Variants in SPATA31H1 observed in about 807,000 individuals in gnomAD.
SPATA31H1 encodes SPATA31 subfamily H member 1.
At chr2:27,561,898 G>C in the SPATA31H1 span, among the ~76,000 whole-genome samples, 2 of 152,068 alleles carry the variant, frequency 1.3e-5, no homozygotes, top group Non-Finnish European at 2.9e-5. Flanking sequence ...ATGGGGTTTC[G>C]TCACATAGCC....
At chr2:27,576,723 T>G in the SPATA31H1 span, 80 of 1,613,926 alleles carry the variant, frequency 5.0e-5, no homozygotes, top group Admixed American at 1.3e-3. Flanking sequence ...ATTTTCAAAT[T>G]TGTCTCCAGA....
At chr2:27,573,957 C>T in the SPATA31H1 span, 1 of 398,534 alleles carries the variant, frequency 2.5e-6, no homozygotes, top group Non-Finnish European at 4.4e-6. Context: ...GCCACAATGG[C>T]AATGTGTCAA....
chr2:27,562,008 C>T, the SPATA31H1 span, among the ~76,000 whole-genome samples: 3 of 152,288 alleles, frequency 2.0e-5, no homozygotes, highest in Non-Finnish European at 4.4e-5. Flanking sequence ...ATTCCCATCA[C>T]CATTTGCTAA....
At chr2:27,582,460 C>T in the SPATA31H1 span, 2 of 1,614,014 alleles carry the variant, frequency 1.2e-6, no homozygotes, top group East Asian at 2.2e-5. Context: ...AATCAAACAA[C>T]TCTCCTCGGG....
chr2:27,566,223 T>C, the SPATA31H1 span: 1 of 710,942 alleles, frequency 1.4e-6, no homozygotes, highest in Admixed American at 2.0e-5. Context: ...TAAATCTCTC[T>C]TATTGTTTTC....
chr2:27,556,007 C>T, the SPATA31H1 span, among the ~76,000 whole-genome samples: 1 of 151,672 alleles, frequency 6.6e-6, no homozygotes, highest in South Asian at 2.1e-4. Flanking sequence ...TGGCATGTGC[C>T]TGTAGTCCTA....
the SPATA31H1 span, chr2:27,566,455 GA>G: frequency 1.4e-6 from 1 of 698,980 alleles, no homozygotes; most frequent in Non-Finnish European, 2.7e-6. Flanking sequence ...GGAAGGGAAT[GA>G]AGGAGGGAGG....
the SPATA31H1 span, among the ~76,000 whole-genome samples, chr2:27,560,633 A>G: frequency 6.6e-6 from 1 of 151,782 alleles, no homozygotes; most frequent in African/African-American, 2.4e-5. Flanking sequence ...AATTTTTTGT[A>G]TTTTTAGTAG....
At chr2:27,539,879 C>G in the SPATA31H1 span, among the ~76,000 whole-genome samples, 1 of 117,782 alleles carries the variant, frequency 8.5e-6, no homozygotes, top group East Asian at 3.6e-4. Flanking sequence ...TGATCCCCCC[C>G]ACCTCCCTCC....
At chr2:27,568,283 T>C in the SPATA31H1 span, 2 of 398,800 alleles carry the variant, frequency 5.0e-6, no homozygotes, top group South Asian at 2.5e-4. Flanking sequence ...GGCCACAACA[T>C]GCAGTTACGG....
chr2:27,565,935 G>A, the SPATA31H1 span: 1 of 692,904 alleles, frequency 1.4e-6, no homozygotes, highest in East Asian at 2.7e-5. Context: ...TTATGATCTT[G>A]GGTATAACTT....
At chr2:27,563,690 G>T in the SPATA31H1 span, among the ~76,000 whole-genome samples, 8 of 151,670 alleles carry the variant, frequency 5.3e-5, no homozygotes, top group Non-Finnish European at 1.2e-4. Flanking sequence ...CTCCCAAGTA[G>T]CTGGGATTAC....
the SPATA31H1 span, chr2:27,582,300 C>T: frequency 8.1e-6 from 13 of 1,613,982 alleles, no homozygotes; most frequent in Admixed American, 1.7e-5. Context: ...GAGAACCCGT[C>T]ACAGTCCCTC....
At chr2:27,542,916 A>T in the SPATA31H1 span, among the ~76,000 whole-genome samples, 1 of 151,872 alleles carries the variant, frequency 6.6e-6, no homozygotes, top group Non-Finnish European at 1.5e-5. Flanking sequence ...GTCTCTACTG[A>T]AAATACAAAA....
chr2:27,577,647 C>T, the SPATA31H1 span: 64 of 1,613,938 alleles, frequency 4.0e-5, no homozygotes, highest in Non-Finnish European at 5.3e-5. The surrounding 1 kb of genome is among the most constrained non-coding windows in gnomAD (Gnocchi z 4.5). Context: ...ACATCGAGTT[C>T]CTGAATCTGT....
chr2:27,569,004 C>A, the SPATA31H1 span: 1 of 398,958 alleles, frequency 2.5e-6, no homozygotes, highest in South Asian at 1.3e-4. Context: ...TGACAACTGT[C>A]ACCAAGTGGA....
chr2:27,547,063 ACT>A, the SPATA31H1 span, among the ~76,000 whole-genome samples: 1,056 of 150,728 alleles, frequency 7.0e-3, 12 homozygotes, highest in Middle Eastern at 0.031. Context: ...CTATTTCGGG[ACT>A]CTCTGTTTTG....
At chr2:27,537,761 C>G in the SPATA31H1 span, among the ~76,000 whole-genome samples, 3 of 152,134 alleles carry the variant, frequency 2.0e-5, no homozygotes, top group Non-Finnish European at 2.9e-5. Flanking sequence ...TAGAGACTAT[C>G]GCCATTCTCT....
At chr2:27,541,648 G>A in the SPATA31H1 span, among the ~76,000 whole-genome samples, 1 of 151,986 alleles carries the variant, frequency 6.6e-6, no homozygotes, top group Non-Finnish European at 1.5e-5. Flanking sequence ...TGAATGTGGT[G>A]GGAGGCAGAA....
Sources: gnomAD v4.1 joint callset for allele counts (sites outside exome capture counted in the v4.1 genomes callset) on GRCh38, gnomAD v4.1.1 for gene constraint, Gnocchi (gnomAD v3.1) non-coding constraint, MANE v1.5 for transcripts, NCBI Gene and HGNC (gene_info 2026-07-23, HGNC 2026-07-21) for gene names.